The following IQSEC1 variants were observed in gnomAD, a reference collection of about 807,000 sequenced individuals.
The protein encoded by IQSEC1 is IQ motif and Sec7 domain ArfGEF 1, also known as IQ motif and SEC7 domain-containing protein 1.
Under a neutral mutation model 91.0 loss-of-function variants are expected in IQSEC1, and 31 were observed. That is an observed-to-expected ratio of 0.34 (90% confidence interval 0.26 to 0.46). The LOEUF is 0.46. IQSEC1 is among the 20% of genes least tolerant of loss of function. The pLI, the probability that IQSEC1 is intolerant of heterozygous loss-of-function variation, is 1.00. For missense variants in IQSEC1, 1,388 were observed against 1,575.6 expected, an observed-to-expected ratio of 0.88 and a Z score of 2.02; for synonymous variants, 699 against 662.6, an observed-to-expected ratio of 1.05 and a Z score of -0.84.
chr3:13,159,950 TA>T (rs1278282050), intron 2 of IQSEC1, among the ~76,000 whole-genome samples: 1 of 152,058 alleles, frequency 6.6e-6, no homozygotes, highest in Non-Finnish European at 1.5e-5. Flanking sequence ...AATAAATCAT[TA>T]GAAGATTCAC....
At chr3:13,165,519 TG>T (rs1419180601) in intron 1 of IQSEC1, among the ~76,000 whole-genome samples, 1 of 48,880 alleles carries the variant, frequency 2.0e-5, no homozygotes, top group Admixed American at 3.3e-4. Context: ...AGCGGGGGGG[TG>T]GGGGGTGGGG....
rs76286449 is a variant in IQSEC1, at chr3:12,911,784, G to T, written c.2317-56C>A. 4,413 of 1,213,056 alleles carry T rather than the reference G, an allele frequency of 3.6e-3. 124 individuals carry two copies. In the African/African-American group the frequency reaches 0.058, roughly 16 times the overall value. 75.1% of individuals were successfully genotyped at this position (1,213,056 alleles called of 1,614,324 possible). On this transcript the variant is annotated intron_variant, in intron 9 of 13. Coordinates refer to ENST00000613206, the MANE Select transcript of IQSEC1 (RefSeq NM_001134382.3). Reference sequence around the variant, plus strand: ...CAGTGTCTCGGGGGGCACTGACTATGTGGGACCTCTGGTCAGAGGATCCTC... The same window carrying T: ...CAGTGTCTCGGGGGGCACTGACTATTTGGGACCTCTGGTCAGAGGATCCTC...
chr3:12,971,110 A>G (rs1379879167), intron 1 of IQSEC1, among the ~76,000 whole-genome samples: 1 of 152,252 alleles, frequency 6.6e-6, no homozygotes, highest in Non-Finnish European at 1.5e-5. Flanking sequence ...CAACAGACAC[A>G]TGACCTGCAA....
rs1396557754 is a variant in IQSEC1, at chr3:12,994,143, C to T, written c.24-52278G>A. Among the ~76,000 whole-genome samples the T allele has an allele frequency of 2.9e-4, 43 of 146,286 alleles. No homozygotes were observed. In the South Asian group the frequency reaches 8.7e-3, roughly 30 times the overall value. On this transcript the variant is annotated intron_variant, in intron 1 of 13. Transcript: ENST00000613206. This position sits in a 1 kb window ranked among gnomAD's most constrained non-coding sequence, Gnocchi z 4.5. Reference sequence around the variant, plus strand: ...CCCCGCGGCCGGCGCGGCCCCAGAGCGTCCGGTGGCCGGGCGCGGGGGGGC... The same window carrying T: ...CCCCGCGGCCGGCGCGGCCCCAGAGTGTCCGGTGGCCGGGCGCGGGGGGGC...
chr3:12,911,038 G>C (rs1324579037), intron 10 of IQSEC1, among the ~76,000 whole-genome samples: 4 of 152,194 alleles, frequency 2.6e-5, no homozygotes, highest in Non-Finnish European at 5.9e-5. Flanking sequence ...CAAACTCCCA[G>C]GTCCCCAGGC....
rs180829068 is a variant in IQSEC1, at chr3:13,039,227, G to A, written c.23+33765C>T. Reference sequence around the variant, plus strand: ...GAGGCATCTCCCCACAACCAAGGCAGAACGCAGAGGCGCCCCGTGAAGATT... The same window carrying A: ...GAGGCATCTCCCCACAACCAAGGCAAAACGCAGAGGCGCCCCGTGAAGATT... On this transcript the variant is annotated intron_variant, in intron 1 of 13. Coordinates refer to ENST00000613206, the MANE Select transcript of IQSEC1 (RefSeq NM_001134382.3). Among the ~76,000 whole-genome samples the A allele has an allele frequency of 3.9e-5, 6 of 152,348 alleles. No homozygotes were observed. The East Asian group carries it at 1.2e-3, about 29-fold the overall frequency.
At chr3:13,265,562 C>T (rs1202630248) in intron 1 of IQSEC1, among the ~76,000 whole-genome samples, 2 of 152,230 alleles carry the variant, frequency 1.3e-5, no homozygotes, top group South Asian at 2.1e-4. Flanking sequence ...AGGAGTCTGG[C>T]AGTGGGCAGT....
chr3:13,224,647 G>A (rs1409757729), intron 1 of IQSEC1, among the ~76,000 whole-genome samples: 5 of 152,088 alleles, frequency 3.3e-5, no homozygotes, highest in East Asian at 1.9e-4. Context: ...CTAGGCCACC[G>A]CCCACCAAGA....
chr3:13,062,753 G>A (rs1463764003), intron 1 of IQSEC1, among the ~76,000 whole-genome samples: 1 of 152,196 alleles, frequency 6.6e-6, no homozygotes, highest in African/African-American at 2.4e-5. Flanking sequence ...TGGGGCCAAT[G>A]AGAGCCTTAA....
intron 2 of IQSEC1, among the ~76,000 whole-genome samples, chr3:13,152,758 T>C (rs748188669): frequency 2.0e-5 from 3 of 152,112 alleles, no homozygotes; most frequent in Non-Finnish European, 4.4e-5. Context: ...TAATCTCAGC[T>C]ACTCGGGAGG....
intron 1 of IQSEC1, among the ~76,000 whole-genome samples, chr3:13,252,574 G>A (rs368929779): frequency 1.2e-4 from 19 of 152,266 alleles, no homozygotes; most frequent in African/African-American, 3.9e-4. Flanking sequence ...GTGGGATTGC[G>A]GGATGCAATG....
rs552411457 is a variant in IQSEC1, at chr3:13,048,740, C to T, written c.23+24252G>A. 2.6e-5 allele frequency among the ~76,000 whole-genome samples: 4 copies of T among 152,340 alleles called. No homozygotes were observed. The South Asian group carries it at 6.2e-4, about 24-fold the overall frequency. On this transcript the variant is annotated intron_variant, in intron 1 of 13. Transcript: ENST00000613206. The stretch of plus-strand genomic sequence containing the variant: ...CTTCCTGTCTAGCTGCCATTGTGGC[C>T]GCTGGTAGATCCTATGTTCAGCAGA...
At chr3:13,215,446 A>C (rs985648046) in intron 1 of IQSEC1, among the ~76,000 whole-genome samples, 1 of 152,168 alleles carries the variant, frequency 6.6e-6, no homozygotes, top group African/African-American at 2.4e-5. Context: ...AGGCTCCCTC[A>C]GAAAAGCAAA....
intron 2 of IQSEC1, among the ~76,000 whole-genome samples, chr3:13,097,802 G>A (rs774145892): frequency 1.3e-5 from 2 of 152,122 alleles, no homozygotes; most frequent in South Asian, 2.1e-4. Flanking sequence ...GATTAATAAC[G>A]TGCAGACCCA....
intron 2 of IQSEC1, among the ~76,000 whole-genome samples, chr3:13,130,301 G>GCCA (rs1706589328): frequency 7.1e-6 from 1 of 140,436 alleles, no homozygotes; most frequent in African/African-American, 2.7e-5. Flanking sequence ...CCGAGATTGT[G>GCCA]CCACTGCACT....
chr3:13,186,724 G>C (rs1305521414), intron 1 of IQSEC1, among the ~76,000 whole-genome samples: 2 of 152,134 alleles, frequency 1.3e-5, no homozygotes, highest in African/African-American at 2.4e-5. Flanking sequence ...GAACATGGTG[G>C]AATGCGGTTT....
intron 1 of IQSEC1, among the ~76,000 whole-genome samples, chr3:13,252,968 G>A (rs9808935): frequency 0.11 from 16,600 of 152,074 alleles, 1,590 homozygotes; most frequent in African/African-American, 0.26. Flanking sequence ...TCCTGACCTC[G>A]TGATCCGCCC....
intron 1 of IQSEC1, among the ~76,000 whole-genome samples, chr3:13,169,281 G>A (rs953584656): frequency 2.0e-5 from 3 of 152,170 alleles, no homozygotes; most frequent in Admixed American, 6.5e-5. Flanking sequence ...TTTGCCTGAC[G>A]CCATCCACGT....
At chr3:13,083,743 G>A (rs574241226) in intron 2 of IQSEC1, among the ~76,000 whole-genome samples, 8 of 152,252 alleles carry the variant, frequency 5.3e-5, no homozygotes, top group Non-Finnish European at 1.0e-4. Context: ...CACATGTCCC[G>A]TGCATAGCTG....
Sources: allele counts gnomAD v4.1 joint callset (sites outside exome capture counted in the v4.1 genomes callset), GRCh38; gene constraint gnomAD v4.1.1; non-coding constraint Gnocchi (gnomAD v3.1); transcripts MANE v1.5; gene names NCBI Gene and HGNC (gene_info 2026-07-23, HGNC 2026-07-21).